GALNT13: variants seen among roughly 807,000 people sequenced by gnomAD.
The protein encoded by GALNT13 is polypeptide N-acetylgalactosaminyltransferase 13, also known as UDP-GalNAc:polypeptide N-acetylgalactosaminyltransferase 13.
Under a neutral mutation model 64.2 loss-of-function variants are expected in GALNT13, and 28 were observed. The observed-to-expected ratio is 0.44, with a 90% CI of 0.32 to 0.60. The LOEUF is 0.60. GALNT13 is among the 20% of genes least tolerant of loss of function. GALNT13 has a pLI of 0.05. For synonymous variants in GALNT13, 214 were observed against 224.6 expected (o/e 0.95, Z 0.42); for missense variants, 577 against 669.8 (o/e 0.86, Z 1.53).
At chr2:153,630,808 T>TATATATATATA in the GALNT13 span, among the ~76,000 whole-genome samples, 1 of 16,978 alleles carries the variant, frequency 5.9e-5, no homozygotes, top group Non-Finnish European at 9.6e-5. Context: ...TATATATATA[T>TATATATATATA]TTTTTTTTTT....
chr2:153,747,349 C>G, the GALNT13 span, among the ~76,000 whole-genome samples: 295 of 151,686 alleles, frequency 1.9e-3, 1 homozygote, highest in African/African-American at 6.1e-3. Context: ...CATCCCACCC[C>G]CTGAAACCCT....
At chr2:153,994,626 G>T (rs1443723096) in intron 3 of GALNT13, among the ~76,000 whole-genome samples, 2 of 152,088 alleles carry the variant, frequency 1.3e-5, no homozygotes, top group African/African-American at 4.8e-5. Context: ...GTGTAAGATG[G>T]TATCTCATTG....
the GALNT13 span, among the ~76,000 whole-genome samples, chr2:153,202,146 G>A: frequency 4.1e-4 from 62 of 151,580 alleles, no homozygotes; most frequent in African/African-American, 1.3e-3. Flanking sequence ...CACCGCGCCC[G>A]GCTAATTTTT....
chr2:153,769,300 G>C, the GALNT13 span, among the ~76,000 whole-genome samples: 1 of 151,528 alleles, frequency 6.6e-6, no homozygotes, highest in African/African-American at 2.4e-5. Flanking sequence ...CTCAGCTTTT[G>C]TTTGTCTGGA....
the GALNT13 span, among the ~76,000 whole-genome samples, chr2:153,274,563 C>T: frequency 6.6e-6 from 1 of 152,150 alleles, no homozygotes; most frequent in Non-Finnish European, 1.5e-5. Flanking sequence ...AGGCAGTTGA[C>T]ACTGCTGTAT....
chr2:154,108,215 AC>A (rs1322533372), intron 3 of GALNT13, among the ~76,000 whole-genome samples: 1 of 150,522 alleles, frequency 6.6e-6, no homozygotes, highest in Non-Finnish European at 1.5e-5. Context: ...GTAATAATTT[AC>A]ATTCCCACCA....
chr2:154,246,601 T>C (rs961255070), intron 7 of GALNT13, among the ~76,000 whole-genome samples: 11 of 152,240 alleles, frequency 7.2e-5, no homozygotes, highest in African/African-American at 2.6e-4. Context: ...AACACAAAAG[T>C]ATCATCTTCC....
At chr2:153,481,032 A>G in the GALNT13 span, among the ~76,000 whole-genome samples, 2 of 152,134 alleles carry the variant, frequency 1.3e-5, no homozygotes, top group African/African-American at 4.8e-5. Flanking sequence ...TTTTATATTT[A>G]ATCAAATCTT....
intron 11 of GALNT13, among the ~76,000 whole-genome samples, chr2:154,414,142 G>T (rs1325795300): frequency 2.0e-5 from 3 of 151,924 alleles, no homozygotes; most frequent in Admixed American, 6.6e-5. Context: ...ATGTCTAGAA[G>T]TATGTTTGCT....
At chr2:153,493,579 C>T in the GALNT13 span, among the ~76,000 whole-genome samples, 5 of 151,914 alleles carry the variant, frequency 3.3e-5, no homozygotes, top group Admixed American at 6.6e-5. Context: ...CAATCTTACA[C>T]AGCATTTTTC....
At chr2:154,151,648 C>G (rs1684034129) in intron 4 of GALNT13, among the ~76,000 whole-genome samples, 1 of 152,258 alleles carries the variant, frequency 6.6e-6, no homozygotes, top group Middle Eastern at 3.4e-3. Flanking sequence ...GGATAGTTAG[C>G]TCTTCTTGTT....
At position 154,231,082 on chromosome 2, in the gene GALNT13, G is replaced by A. The variant is rs907984919; in HGVS notation, c.312-10948G>A. On this transcript the variant is annotated intron_variant, in intron 4 of 12. Transcript: ENST00000392825. ...ACTGAGGAGCTCACTGGCCTTTTTA[G>A]CTTCACATCATTTGACTTGCTCCTT... Among the ~76,000 whole-genome samples, 7 of 152,082 alleles carry A rather than the reference G, an allele frequency of 4.6e-5. No individual in the cohort carries two copies. In the East Asian group the frequency reaches 1.2e-3, roughly 25 times the overall value.
At chr2:154,081,707 C>T (rs1489566857) in intron 3 of GALNT13, among the ~76,000 whole-genome samples, 2 of 151,710 alleles carry the variant, frequency 1.3e-5, no homozygotes, top group Admixed American at 6.6e-5. Context: ...ATGAATGCTA[C>T]AAGAGATCCA....
At chr2:153,907,311 T>TTA (rs1320555714) in intron 2 of GALNT13, among the ~76,000 whole-genome samples, 1 of 151,624 alleles carries the variant, frequency 6.6e-6, no homozygotes, top group African/African-American at 2.4e-5. Flanking sequence ...AATATTAAGA[T>TTA]TATATATATA....
intron 3 of GALNT13, among the ~76,000 whole-genome samples, chr2:154,044,805 T>G (rs1699197091): frequency 2.0e-5 from 3 of 152,242 alleles, no homozygotes; most frequent in Non-Finnish European, 1.5e-5. Flanking sequence ...TTTTAATTTT[T>G]ATTTTTTTAG....
At position 154,391,486 on chromosome 2, in the gene GALNT13, G is replaced by T. The variant is rs537390960; in HGVS notation, c.1157-4505G>T. On this transcript the variant is annotated intron_variant, in intron 9 of 12. Transcript: ENST00000392825. ...TAGATTTTCTGGTGATGTGCCTTTA[G>T]TCTGTGCTCACAGATGGAACTGGAA... 5.9e-5 allele frequency among the ~76,000 whole-genome samples: 9 copies of T among 152,240 alleles called. No homozygotes were observed. In the South Asian group the frequency reaches 1.9e-3, roughly 32 times the overall value.
chr2:153,870,618 G>A (rs908054802), upstream of GALNT13, among the ~76,000 whole-genome samples: 1 of 151,620 alleles, frequency 6.6e-6, no homozygotes, highest in Non-Finnish European at 1.5e-5. Context: ...AATGTAGGAG[G>A]AGACATTAAT....
At chr2:154,132,312 T>C (rs924669372) in intron 3 of GALNT13, among the ~76,000 whole-genome samples, 1 of 148,568 alleles carries the variant, frequency 6.7e-6, no homozygotes, top group Admixed American at 6.7e-5. Context: ...CTAATCTTCA[T>C]TGCTGATATA....
the GALNT13 span, among the ~76,000 whole-genome samples, chr2:153,075,746 T>A: frequency 6.6e-6 from 1 of 152,180 alleles, no homozygotes; most frequent in African/African-American, 2.4e-5. Flanking sequence ...GTCCTCCAGC[T>A]TATTTTCTCC....
Sources: allele counts gnomAD v4.1 joint callset (sites outside exome capture counted in the v4.1 genomes callset), GRCh38; gene constraint gnomAD v4.1.1; transcripts MANE v1.5; gene names NCBI Gene and HGNC (gene_info 2026-07-23, HGNC 2026-07-21).